The following AMPH variants were observed in gnomAD, a reference collection of about 807,000 sequenced individuals.
The protein encoded by AMPH is amphiphysin.
Under a neutral mutation model 99.1 loss-of-function variants are expected in AMPH, and 49 were observed. The observed-to-expected ratio is 0.49, with a 90% confidence interval of 0.39 to 0.63. The LOEUF (loss-of-function observed/expected upper bound fraction) is 0.63. AMPH is among the 20% of genes least tolerant of loss of function. The pLI, the probability that AMPH is intolerant of heterozygous loss-of-function variation, is 0.00. For synonymous variants in AMPH, 314 were observed against 317.3 expected (o/e 0.99, Z 0.11); for missense variants, 759 against 863.4 (o/e 0.88, Z 1.52).
At chr7:38,405,578 C>T (rs750030594) in intron 17 of AMPH, among the ~76,000 whole-genome samples, 4 of 151,806 alleles carry the variant, frequency 2.6e-5, no homozygotes, top group South Asian at 2.1e-4. Flanking sequence ...AGACTTTAAG[C>T]CAATAACATT....
chr7:38,484,471 G>A (rs1433591303), intron 5 of AMPH, among the ~76,000 whole-genome samples: 4 of 151,910 alleles, frequency 2.6e-5, no homozygotes, highest in Admixed American at 6.6e-5. Flanking sequence ...ATGAAAGAAC[G>A]AAAAAACTGT....
rs188472800 is a variant in AMPH, at chr7:38,391,654, C to A, written c.1878+94G>T. On this transcript the variant is annotated intron_variant, in intron 19 of 20. Transcript: ENST00000356264. ...AAGCAGTTCACAGAAATAATAATTGCAAAAAGTAAAAGTAAAAACTGGAAA... is the reference window on the plus strand; with the variant it reads ...AAGCAGTTCACAGAAATAATAATTGAAAAAAGTAAAAGTAAAAACTGGAAA... 7 of 1,359,010 alleles carry A rather than the reference C, an allele frequency of 5.2e-6. No individual in the cohort carries two copies. The Admixed American group carries it at 1.5e-4, about 28-fold the overall frequency. The allele number at this position is 1,359,010 out of a possible 1,614,324, so 84.2% of individuals were successfully genotyped here.
intron 12 of AMPH, among the ~76,000 whole-genome samples, chr7:38,432,591 C>T (rs1157479888): frequency 1.9e-5 from 1 of 51,484 alleles, no homozygotes; most frequent in Non-Finnish European, 4.7e-5. Flanking sequence ...TTTTAATACA[C>T]ACACACACAC....
chr7:38,623,178 G>A (rs568280368), intron 1 of AMPH, among the ~76,000 whole-genome samples: 60 of 152,240 alleles, frequency 3.9e-4, no homozygotes, highest in African/African-American at 1.3e-3. Context: ...TTAAAGAAAT[G>A]GGATCTAATT....
chr7:38,587,219 A>G (rs528897387), intron 1 of AMPH, among the ~76,000 whole-genome samples: 26 of 152,348 alleles, frequency 1.7e-4, no homozygotes, highest in Admixed American at 1.1e-3. Flanking sequence ...CACTGAGTCG[A>G]CACTGTTTAC....
At chr7:38,609,636 A>G (rs1427873615) in intron 1 of AMPH, among the ~76,000 whole-genome samples, 1 of 152,234 alleles carries the variant, frequency 6.6e-6, no homozygotes, top group Non-Finnish European at 1.5e-5. Flanking sequence ...ATCTAAGGCT[A>G]TCTTCTGTAT....
chr7:38,517,002 T>G (rs1004649464), intron 2 of AMPH, among the ~76,000 whole-genome samples: 1 of 152,230 alleles, frequency 6.6e-6, no homozygotes, highest in Non-Finnish European at 1.5e-5. Context: ...TGCCTGTATC[T>G]CTATTGTATC....
intron 1 of AMPH, among the ~76,000 whole-genome samples, chr7:38,538,804 G>T (rs1790706856): frequency 6.6e-6 from 1 of 152,204 alleles, no homozygotes; most frequent in Non-Finnish European, 1.5e-5. Flanking sequence ...TTCTTTGGGG[G>T]AGACTGAGTA....
intron 1 of AMPH, among the ~76,000 whole-genome samples, chr7:38,550,420 T>C (rs1280054735): frequency 2.0e-5 from 3 of 152,236 alleles, no homozygotes; most frequent in East Asian, 1.9e-4. Flanking sequence ...TTCTGGGCAT[T>C]TGATGTTGAT....
chr7:38,602,283 AT>A (rs1793273862), intron 1 of AMPH, among the ~76,000 whole-genome samples: 3 of 152,144 alleles, frequency 2.0e-5, no homozygotes, highest in Non-Finnish European at 4.4e-5. Flanking sequence ...TTCTAAATTG[AT>A]TTCTGTGTCT....
intron 1 of AMPH, among the ~76,000 whole-genome samples, chr7:38,567,536 T>A (rs1791790365): frequency 6.6e-6 from 1 of 150,668 alleles, no homozygotes; most frequent in Admixed American, 6.6e-5. Flanking sequence ...TAAAGTATAA[T>A]AAAAATTAAA....
chr7:38,619,848 A>G (rs1793994254), intron 1 of AMPH, among the ~76,000 whole-genome samples: 2 of 152,214 alleles, frequency 1.3e-5, no homozygotes, highest in Non-Finnish European at 2.9e-5. Flanking sequence ...AGAACTCTGG[A>G]TACCATTTTC....
intron 1 of AMPH, among the ~76,000 whole-genome samples, chr7:38,571,444 A>T (rs1266633517): frequency 7.9e-6 from 1 of 126,750 alleles, no homozygotes; most frequent in East Asian, 2.2e-4. Context: ...TATATAGAAT[A>T]TATTTATATA....
At chr7:38,460,067 G>C (rs1404822915) in intron 11 of AMPH, among the ~76,000 whole-genome samples, 2 of 151,888 alleles carry the variant, frequency 1.3e-5, no homozygotes, top group African/African-American at 4.8e-5. Context: ...ACATACAAAT[G>C]GCCAACAGAT....
chr7:38,451,338 TAC>T (rs1787015083), intron 11 of AMPH, among the ~76,000 whole-genome samples: 1 of 151,462 alleles, frequency 6.6e-6, no homozygotes, highest in Admixed American at 6.6e-5. Context: ...CATGTATATA[TAC>T]ATATATACGT....
intron 1 of AMPH, among the ~76,000 whole-genome samples, chr7:38,566,052 T>C (rs576345981): frequency 1.8e-4 from 27 of 152,110 alleles, no homozygotes; most frequent in Non-Finnish European, 3.7e-4. Flanking sequence ...TCTTCCTAAG[T>C]CCCCCACCAC....
intron 1 of AMPH, among the ~76,000 whole-genome samples, chr7:38,606,709 G>T (rs1050881849): frequency 1.3e-4 from 20 of 151,562 alleles, no homozygotes; most frequent in African/African-American, 4.8e-4. Context: ...AGTAGCTGGG[G>T]CCACAGGCAA....
intron 14 of AMPH, chr7:38,428,054 T>A: frequency 2.2e-6 from 1 of 456,712 alleles, no homozygotes; most frequent in South Asian, 1.5e-5. Context: ...AATCACCTGC[T>A]AGTAAGTCCA....
intron 1 of AMPH, among the ~76,000 whole-genome samples, chr7:38,602,705 C>T (rs1479020104): frequency 2.6e-5 from 4 of 152,154 alleles, no homozygotes; most frequent in Non-Finnish European, 5.9e-5. Flanking sequence ...TAAAAAATTC[C>T]GGAAATCAGG....
Sources: gnomAD v4.1 joint callset for allele counts (sites outside exome capture counted in the v4.1 genomes callset) on GRCh38, gnomAD v4.1.1 for gene constraint, MANE v1.5 for transcripts, NCBI Gene and HGNC (gene_info 2026-07-23, HGNC 2026-07-21) for gene names.